Variants in ZFYVE28 observed in about 807,000 individuals in gnomAD.
The protein encoded by ZFYVE28 is lateral signaling target protein 2 homolog.
In ZFYVE28, 40 loss-of-function variants were observed where a neutral mutation model predicts 82.1. That is an observed-to-expected ratio of 0.49 (90% CI 0.38 to 0.63). The LOEUF is 0.63. ZFYVE28 is among the 30% of genes least tolerant of loss of function. The pLI, the probability that ZFYVE28 is intolerant of heterozygous loss-of-function variation, is 0.00. For missense variants in ZFYVE28, 1,321 were observed against 1,242.1 expected (o/e 1.06, Z -0.96); for synonymous variants, 612 against 546.1 (o/e 1.12, Z -1.68).
chr4:2,364,167 G>A (rs1342679243), intron 1 of ZFYVE28, among the ~76,000 whole-genome samples: 1 of 152,320 alleles, frequency 6.6e-6, no homozygotes, highest in East Asian at 1.9e-4. Flanking sequence ...GGTGCCTGAC[G>A]CCAGCTGGGA....
At chr4:2,312,855 GC>G (rs1233263388) in intron 7 of ZFYVE28, among the ~76,000 whole-genome samples, 1 of 151,976 alleles carries the variant, frequency 6.6e-6, no homozygotes, top group Non-Finnish European at 1.5e-5. Context: ...GACCAGCCTG[GC>G]CAACATGGTG....
chr4:2,294,520 TTG>T (rs1302224657), intron 8 of ZFYVE28, among the ~76,000 whole-genome samples: 1 of 152,196 alleles, frequency 6.6e-6, no homozygotes, highest in African/African-American at 2.4e-5. Context: ...AAAAAAATTT[TTG>T]TGACTGTGGG....
At chr4:2,365,099 G>A (rs1229673095) in intron 1 of ZFYVE28, among the ~76,000 whole-genome samples, 3 of 151,870 alleles carry the variant, frequency 2.0e-5, no homozygotes, top group East Asian at 3.9e-4. Context: ...GCAGGCAGTG[G>A]GCAGCGGGCA....
chr4:2,351,081 G>A (rs1256113321), intron 2 of ZFYVE28, among the ~76,000 whole-genome samples: 1 of 152,220 alleles, frequency 6.6e-6, no homozygotes, highest in East Asian at 1.9e-4. Context: ...CAGAAGCACA[G>A]ACCACACCTG....
chr4:2,364,846 C>G (rs1000546212), intron 1 of ZFYVE28: 1 of 985,352 alleles, frequency 1.0e-6, no homozygotes, highest in Non-Finnish European at 1.2e-6. Context: ...CGCGATAAAA[C>G]CCCCACGTCG....
intron 8 of ZFYVE28, among the ~76,000 whole-genome samples, chr4:2,278,953 A>C (rs575624172): frequency 1.8e-4 from 27 of 149,432 alleles, no homozygotes; most frequent in African/African-American, 5.8e-4. Flanking sequence ...AAAAAAAAAA[A>C]CCCAGAAAAT....
chr4:2,270,760 C>G lies in ZFYVE28; in HGVS notation c.2629G>C (p.Val877Leu). The G allele has an allele frequency of 6.2e-7, 1 of 1,613,248 alleles. No individual in the cohort carries two copies. Among genetic ancestry groups the G allele is most frequent in the African/African-American group, 1.3e-5 (1 of 75,046 alleles). The change falls in exon 13 of 13, where the codon GTC becomes CTC. Residue 877 changes from valine to leucine, a missense_variant. By Grantham distance (32) the Val-to-Leu change is conservative (BLOSUM62 1). Transcript: ENST00000290974. Reference protein sequence around the residue: ...RVCTHCYMFHVTPFYSDKAGL With the variant: ...RVCTHCYMFHLTPFYSDKAGL ...GCCTTGTCGCTGTAGAAGGGCGTGACATGGAACATGTAGCAGTGGGTGCAC... is the reference window on the plus strand; with the variant it reads ...GCCTTGTCGCTGTAGAAGGGCGTGAGATGGAACATGTAGCAGTGGGTGCAC...
chr4:2,330,174 G>T, intron 6 of ZFYVE28: 1 of 708,540 alleles, frequency 1.4e-6, no homozygotes, highest in Non-Finnish European at 1.7e-6. Flanking sequence ...TGTGAGTAAT[G>T]AAAATGTTAT....
At chr4:2,402,820 C>A (rs1412881300) in intron 1 of ZFYVE28, among the ~76,000 whole-genome samples, 1 of 152,226 alleles carries the variant, frequency 6.6e-6, no homozygotes. Context: ...CAGCCTCTCA[C>A]TGCATGAAAA....
chr4:2,397,832 G>A (rs1327645432), intron 1 of ZFYVE28, among the ~76,000 whole-genome samples: 1 of 152,170 alleles, frequency 6.6e-6, no homozygotes, highest in African/African-American at 2.4e-5. Flanking sequence ...TGATGGACAT[G>A]TGGCTATTCG....
chr4:2,292,388 G>T (rs555699285), intron 8 of ZFYVE28, among the ~76,000 whole-genome samples: 1 of 152,156 alleles, frequency 6.6e-6, no homozygotes, highest in Non-Finnish European at 1.5e-5. Context: ...ACGCTAGGTC[G>T]AGGGGCAGAC....
At chr4:2,365,221 C>T (rs933199218) in intron 1 of ZFYVE28, among the ~76,000 whole-genome samples, 3 of 151,978 alleles carry the variant, frequency 2.0e-5, no homozygotes. Context: ...GGGTGGGCCA[C>T]GCGGGGTTCG....
At chr4:2,358,720 C>T (rs1389848725) in intron 1 of ZFYVE28, among the ~76,000 whole-genome samples, 1 of 152,150 alleles carries the variant, frequency 6.6e-6, no homozygotes, top group African/African-American at 2.4e-5. Context: ...AAACTGTGAC[C>T]ACACCCCCCA....
rs991699867 is a variant in ZFYVE28, at chr4:2,418,338, T to C, written c.-15A>G. 1 of 1,502,438 alleles carries C rather than the reference T, an allele frequency of 6.7e-7. No homozygotes were observed. 93.1% of individuals were successfully genotyped at this position (1,502,438 alleles called of 1,614,324 possible). A position where few individuals can be genotyped will look rare whatever the true frequency, so the allele number is the denominator to read the frequency against. On this transcript the variant is annotated 5_prime_UTR_variant, in exon 1 of 13. Coordinates refer to ENST00000290974, the MANE Select transcript of ZFYVE28 (RefSeq NM_020972.3). The surrounding 1 kb of genome is among the most constrained non-coding windows in gnomAD (Gnocchi z 4.6). ...CTGTTCATCATCGCCGCGCCGGCCCTGGCCGGACTCCGGGCGGCCCTCGCC... is the reference window on the plus strand; with the variant it reads ...CTGTTCATCATCGCCGCGCCGGCCCCGGCCGGACTCCGGGCGGCCCTCGCC...
rs540239361 is a variant in ZFYVE28 at position 2,274,153 on chromosome 4, C to G, written c.2115G>C (p.Thr705=). The change falls in exon 9 of 13, where the codon ACG becomes ACC. Residue 705 remains threonine (T), a synonymous_variant. Transcript: ENST00000290974. The part of the protein sequence containing the change: ...KMGPEAAPAA[T]HAAPQATREK... ...CTCTTGTGGCCTGTGGGGCAGCATG[C>G]GTGGCTGCTGGGGCCGCCTCTGGCC... 7 of 1,613,780 alleles carry G rather than the reference C, an allele frequency of 4.3e-6. No individual in the cohort carries two copies. The highest frequency in any genetic ancestry group is 3.4e-6 in the Non-Finnish European group (4 of 1,179,990).
chr4:2,391,309 C>G (rs1396313086), intron 1 of ZFYVE28, among the ~76,000 whole-genome samples: 2 of 152,184 alleles, frequency 1.3e-5, no homozygotes, highest in African/African-American at 2.4e-5. Flanking sequence ...GCTCTCCCAA[C>G]CCGCGCTCAT....
chr4:2,417,301 C>T lies in ZFYVE28; in HGVS notation c.39+984G>A, dbSNP rs1255228545. Among the ~76,000 whole-genome samples the T allele has an allele frequency of 2.0e-5, 3 of 152,232 alleles. No individual in the cohort carries two copies. The highest frequency in any genetic ancestry group is 2.9e-5 in the Non-Finnish European group (2 of 67,968). On this transcript the variant is annotated intron_variant, in intron 1 of 12. Transcript: ENST00000290974. The surrounding 1 kb of genome is among the most constrained non-coding windows in gnomAD (Gnocchi z 4.8). Reference sequence around the variant, plus strand: ...TCGGACGCCCAGATGCGCCCTGGACCCTGCGCCGGGATCCTGAACACCGCC... The same window carrying T: ...TCGGACGCCCAGATGCGCCCTGGACTCTGCGCCGGGATCCTGAACACCGCC...
At chr4:2,367,888 C>A (rs540134364) in intron 1 of ZFYVE28, among the ~76,000 whole-genome samples, 1 of 152,180 alleles carries the variant, frequency 6.6e-6, no homozygotes, top group African/African-American at 2.4e-5. Flanking sequence ...CCTCTAATCA[C>A]GGAGCCCCTG....
At chr4:2,377,025 T>A (rs1728217767) in intron 1 of ZFYVE28, among the ~76,000 whole-genome samples, 1 of 146,160 alleles carries the variant, frequency 6.8e-6, no homozygotes, top group Non-Finnish European at 1.5e-5. Context: ...AAGACTTTAC[T>A]TTTTTTTTTT....
Sources: allele counts gnomAD v4.1 joint callset (sites outside exome capture counted in the v4.1 genomes callset), GRCh38; gene constraint gnomAD v4.1.1; non-coding constraint Gnocchi (gnomAD v3.1); transcripts MANE v1.5; gene names NCBI Gene and HGNC (gene_info 2026-07-23, HGNC 2026-07-21).